NKAIN1: variants seen among roughly 807,000 people sequenced by gnomAD.
The protein encoded by NKAIN1 is sodium/potassium transporting ATPase interacting 1, also known as sodium/potassium-transporting ATPase subunit beta-1-interacting protein 1.
In NKAIN1, 13 loss-of-function variants were observed where a neutral mutation model predicts 31.6. That is an observed-to-expected ratio of 0.41 (90% CI 0.27 to 0.65). NKAIN1 has a LOEUF of 0.65. Ranked by LOEUF, NKAIN1 falls within the 30% of genes least tolerant of loss-of-function variation. The pLI, the probability that NKAIN1 is intolerant of heterozygous loss-of-function variation, is 0.30. For missense variants in NKAIN1, 193 were observed against 262.2 expected, an observed-to-expected ratio of 0.74 and a Z score of 1.82; for synonymous variants, 104 against 109.0, an observed-to-expected ratio of 0.95 and a Z score of 0.28.
At chr1:31,192,114 G>A (rs576171554) in intron 1 of NKAIN1, among the ~76,000 whole-genome samples, 10 of 152,246 alleles carry the variant, frequency 6.6e-5, no homozygotes, top group Non-Finnish European at 1.2e-4. Flanking sequence ...AGTTTTCACA[G>A]TGTAGCTCAG....
At chr1:31,216,854 T>C (rs1645517410) in intron 1 of NKAIN1, among the ~76,000 whole-genome samples, 2 of 150,894 alleles carry the variant, frequency 1.3e-5, no homozygotes, top group Non-Finnish European at 3.0e-5. Context: ...CCACCACGCC[T>C]AGCTAATTTT....
intron 1 of NKAIN1, among the ~76,000 whole-genome samples, chr1:31,213,627 C>T (rs573022069): frequency 3.3e-5 from 5 of 152,180 alleles, no homozygotes; most frequent in Non-Finnish European, 7.3e-5. Flanking sequence ...TACATAAATG[C>T]TCATAGCAGC....
At position 31,239,855 on chromosome 1, in the gene NKAIN1, A is replaced by G. The variant is rs1345252756; in HGVS notation, c.-308T>C. On this transcript the variant is annotated 5_prime_UTR_variant, in exon 1 of 7. Transcript: ENST00000373736. The surrounding 1 kb of genome is among the most constrained non-coding windows in gnomAD (Gnocchi z 4.8). ...CGGGGAGCGCGGAGCAAGGAGAGCG[A>G]GCCCCGAGCGCGGCGCAGCGCAGAG... 6.6e-6 allele frequency among the ~76,000 whole-genome samples: 1 copy of G among 151,916 alleles called. No individual in the cohort carries two copies. The highest frequency in any genetic ancestry group is 2.4e-5 in the African/African-American group (1 of 41,398).
rs907691266 is a variant in NKAIN1, at chr1:31,233,826, C to T, written c.54+5668G>A. On this transcript the variant is annotated intron_variant, in intron 1 of 6. Coordinates refer to ENST00000373736, the MANE Select transcript of NKAIN1 (RefSeq NM_024522.3). The surrounding 1 kb of genome is among the most constrained non-coding windows in gnomAD (Gnocchi z 4.0). The stretch of plus-strand genomic sequence containing the variant: ...CGAATTCCCCAAACTGCCATGGGCT[C>T]GTTCGTGGGGTAGAAGCTGTTTTTC... 1.3e-5 allele frequency among the ~76,000 whole-genome samples: 2 copies of T among 152,104 alleles called. No individual in the cohort carries two copies. Among genetic ancestry groups the T allele is most frequent in the African/African-American group, 2.4e-5 (1 of 41,434 alleles).
At position 31,205,745 on chromosome 1, in the gene NKAIN1, C is replaced by T. The variant is rs183070675; in HGVS notation, c.55-17558G>A. Among the ~76,000 whole-genome samples, 39 of 150,932 alleles carry T rather than the reference C, an allele frequency of 2.6e-4. No homozygotes were observed. In the East Asian group the frequency reaches 7.8e-3, roughly 30 times the overall value. ...GTAAGCAATTCTCCTGCCTCAACTTCCCAAGTAGCTGGGATTACAGGTGTG... is the reference window on the plus strand; with the variant it reads ...GTAAGCAATTCTCCTGCCTCAACTTTCCAAGTAGCTGGGATTACAGGTGTG... On this transcript the variant is annotated intron_variant, in intron 1 of 6. Coordinates refer to ENST00000373736, the MANE Select transcript of NKAIN1 (RefSeq NM_024522.3).
intron 1 of NKAIN1, among the ~76,000 whole-genome samples, chr1:31,211,227 T>C (rs1436858007): frequency 6.6e-6 from 1 of 152,182 alleles, no homozygotes; most frequent in Non-Finnish European, 1.5e-5. Context: ...ATTTGCTAAT[T>C]GCAGATTACA....
At chr1:31,183,186 C>T (rs1408077779) in intron 4 of NKAIN1, among the ~76,000 whole-genome samples, 1 of 152,110 alleles carries the variant, frequency 6.6e-6, no homozygotes. Flanking sequence ...AACTCTGAGG[C>T]TGGTATTGTC....
At chr1:31,191,954 T>G (rs928656847) in intron 1 of NKAIN1, among the ~76,000 whole-genome samples, 2 of 152,148 alleles carry the variant, frequency 1.3e-5, no homozygotes, top group Non-Finnish European at 2.9e-5. Flanking sequence ...TTTAAAATAT[T>G]TTGTAGAGAT....
intron 1 of NKAIN1, among the ~76,000 whole-genome samples, chr1:31,189,584 T>C (rs958317410): frequency 7.2e-5 from 11 of 152,196 alleles, no homozygotes; most frequent in African/African-American, 2.7e-4. Flanking sequence ...CCCAAAGTGC[T>C]GGGATTATAG....
At chr1:31,197,843 G>A (rs151121851) in intron 1 of NKAIN1, among the ~76,000 whole-genome samples, 43 of 152,204 alleles carry the variant, frequency 2.8e-4, no homozygotes, top group African/African-American at 1.0e-3. Flanking sequence ...CACTGCACCT[G>A]GTGGTTTTTT....
chr1:31,186,671 G>A (rs1469118356), intron 2 of NKAIN1, among the ~76,000 whole-genome samples: 1 of 152,074 alleles, frequency 6.6e-6, no homozygotes, highest in African/African-American at 2.4e-5. Context: ...GTCCAGCCTG[G>A]GCCCTGGATG....
At chr1:31,218,032 C>G in intron 1 of NKAIN1, among the ~76,000 whole-genome samples, 1 of 98,930 alleles carries the variant, frequency 1.0e-5, no homozygotes, top group South Asian at 3.4e-4. Flanking sequence ...TTCTTTCTTT[C>G]TTTCTTTCTT....
intron 1 of NKAIN1, among the ~76,000 whole-genome samples, chr1:31,197,480 T>TCA (rs1478329649): frequency 1.1e-4 from 17 of 151,900 alleles, no homozygotes; most frequent in Non-Finnish European, 2.2e-4. Context: ...ACTCCTGACC[T>TCA]TGTGATTTGC....
chr1:31,198,965 G>T (rs1232176729), intron 1 of NKAIN1, among the ~76,000 whole-genome samples: 2 of 152,194 alleles, frequency 1.3e-5, no homozygotes, highest in Non-Finnish European at 2.9e-5. Flanking sequence ...TAGGGCCCAG[G>T]CTCAGGGCCA....
intron 2 of NKAIN1, 51 bp downstream of exon 2, chr1:31,187,999 G>A (rs1246316449): frequency 6.5e-7 from 1 of 1,530,538 alleles, no homozygotes; most frequent in African/African-American, 1.4e-5. Context: ...GGGTGGAGTG[G>A]GCAGGGGTGA....
intron 1 of NKAIN1, among the ~76,000 whole-genome samples, chr1:31,237,477 G>A (rs756554358): frequency 8.6e-5 from 13 of 151,426 alleles, no homozygotes; most frequent in Non-Finnish European, 1.5e-4. Flanking sequence ...CTTTGGGGAG[G>A]GGTCTAGTTA....
intron 1 of NKAIN1, among the ~76,000 whole-genome samples, chr1:31,207,486 T>C (rs1645433867): frequency 6.6e-6 from 1 of 152,194 alleles, no homozygotes; most frequent in Non-Finnish European, 1.5e-5. Flanking sequence ...AGAGGACTCA[T>C]GTACTGAAGG....
chr1:31,201,126 C>T (rs1020479027), intron 1 of NKAIN1, among the ~76,000 whole-genome samples: 5 of 152,140 alleles, frequency 3.3e-5, no homozygotes, highest in African/African-American at 9.7e-5. Context: ...TGCTAAATCC[C>T]GAGAACACAG....
rs531364948 is a variant in NKAIN1 at position 31,239,376 on chromosome 1, G to T, written c.54+118C>A. The T allele has an allele frequency of 2.9e-4, 205 of 698,098 alleles. 1 individual carries two copies. The Middle Eastern group carries it at 5.0e-3, about 17-fold the overall frequency. The allele number at this position is 698,098 out of a possible 1,614,324, so 43.2% of individuals were successfully genotyped here. ...GCTCCGAGACTCCAGACCACCCCCC[G>T]CCCGGGCACACGCACCAGACACACA... On this transcript the variant is annotated intron_variant, in intron 1 of 6. Coordinates refer to ENST00000373736, the MANE Select transcript of NKAIN1 (RefSeq NM_024522.3). The surrounding 1 kb of genome is among the most constrained non-coding windows in gnomAD (Gnocchi z 4.8).
Sources: allele counts gnomAD v4.1 joint callset (sites outside exome capture counted in the v4.1 genomes callset), GRCh38; gene constraint gnomAD v4.1.1; non-coding constraint Gnocchi (gnomAD v3.1); transcripts MANE v1.5; gene names NCBI Gene and HGNC (gene_info 2026-07-23, HGNC 2026-07-21).